The following TIAM2 variants were observed in gnomAD, a reference collection of about 807,000 sequenced individuals.
TIAM2 encodes rho guanine nucleotide exchange factor TIAM2.
In TIAM2, 80 loss-of-function variants were observed where a neutral mutation model predicts 152.9. The ratio of observed to expected loss-of-function variants is 0.52; its 90% CI spans 0.44 to 0.63. The LOEUF (loss-of-function observed/expected upper bound fraction) is 0.63, where lower values mean the gene tolerates loss of function less well. Among genes scored for constraint, TIAM2 ranks in the 30% least tolerant of loss-of-function variants. The pLI, the probability that TIAM2 is intolerant of heterozygous loss-of-function variation, is 0.00. For synonymous variants in TIAM2, 804 were observed against 838.0 expected (o/e 0.96, Z 0.70); for missense variants, 1,965 against 2,120.1 (o/e 0.93, Z 1.44).
intron 1 of TIAM2, among the ~76,000 whole-genome samples, chr6:155,063,110 A>G (rs145991852): frequency 4.6e-5 from 7 of 151,564 alleles, no homozygotes; most frequent in Non-Finnish European, 8.8e-5. Flanking sequence ...TTCTCCTAGT[A>G]TGTGACTTGT....
At chr6:155,124,432 G>A (rs551473949) in intron 2 of TIAM2, among the ~76,000 whole-genome samples, 1 of 152,336 alleles carries the variant, frequency 6.6e-6, no homozygotes, top group South Asian at 2.1e-4. Context: ...TGGCGTTTAA[G>A]TGATTCTCTT....
chr6:155,071,654 G>A (rs889409753), intron 1 of TIAM2, among the ~76,000 whole-genome samples: 2 of 152,050 alleles, frequency 1.3e-5, no homozygotes, highest in Admixed American at 6.6e-5. Context: ...CCTGTAATCC[G>A]AGCACTTTCA....
intron 1 of TIAM2, among the ~76,000 whole-genome samples, chr6:155,079,156 G>A (rs1430288638): frequency 2.0e-5 from 3 of 151,968 alleles, no homozygotes; most frequent in Non-Finnish European, 4.4e-5. Context: ...CTGCCTCCTG[G>A]GTTCAAGCGA....
intron 1 of TIAM2, among the ~76,000 whole-genome samples, chr6:155,083,227 T>C (rs1165833424): frequency 6.6e-6 from 1 of 151,498 alleles, no homozygotes; most frequent in African/African-American, 2.4e-5. Context: ...CGTGCACCTG[T>C]AATGCCAGCT....
intron 14 of TIAM2, among the ~76,000 whole-genome samples, chr6:155,188,182 G>A (rs374848656): frequency 2.0e-5 from 3 of 152,248 alleles, no homozygotes; most frequent in South Asian, 2.1e-4. Context: ...GTCTTTCCTC[G>A]TGCGCTCAGA....
At chr6:155,079,454 G>T (rs1347093617) in intron 1 of TIAM2, among the ~76,000 whole-genome samples, 1 of 152,170 alleles carries the variant, frequency 6.6e-6, no homozygotes, top group Non-Finnish European at 1.5e-5. Context: ...TTGATTACTG[G>T]TGCTGTGCCT....
chr6:155,239,394 G>C (rs577623542), intron 15 of TIAM2, among the ~76,000 whole-genome samples: 60 of 152,334 alleles, frequency 3.9e-4, no homozygotes, highest in African/African-American at 1.4e-3. Flanking sequence ...GTGAAAGAAA[G>C]AAGCCACCCT....
At chr6:155,101,246 A>T (rs986615354) in intron 2 of TIAM2, among the ~76,000 whole-genome samples, 3 of 152,034 alleles carry the variant, frequency 2.0e-5, no homozygotes, top group African/African-American at 7.2e-5. Flanking sequence ...GGTGTGCCTC[A>T]TTTTCTTCTA....
At chr6:155,168,897 A>G in intron 9 of TIAM2, 2 of 1,535,228 alleles carry the variant, frequency 1.3e-6, no homozygotes, top group South Asian at 2.4e-5. Flanking sequence ...CTACCTCAAA[A>G]CTCCAGTAAC....
chr6:155,057,080 G>A (rs1356850029), intron 1 of TIAM2, among the ~76,000 whole-genome samples: 1 of 128,722 alleles, frequency 7.8e-6, no homozygotes, highest in Non-Finnish European at 1.6e-5. Flanking sequence ...CCAGATTGGA[G>A]TGCAGTGGTG....
intron 2 of TIAM2, among the ~76,000 whole-genome samples, chr6:155,120,778 C>T (rs1162546529): frequency 6.6e-6 from 1 of 152,150 alleles, no homozygotes; most frequent in Admixed American, 6.5e-5. Context: ...AGTAGTATCC[C>T]CCTAGCCTTA....
At chr6:155,141,505 C>T (rs1779705951) in intron 5 of TIAM2, among the ~76,000 whole-genome samples, 1 of 152,098 alleles carries the variant, frequency 6.6e-6, no homozygotes, top group South Asian at 2.1e-4. Flanking sequence ...TATTAACAAA[C>T]CATCTGGTTA....
chr6:155,254,171 TC>T, intron 25 of TIAM2, 111 bp downstream of exon 25: 1 of 1,209,958 alleles, frequency 8.3e-7, no homozygotes, highest in Non-Finnish European at 1.2e-6. Context: ...AGGGTCATAC[TC>T]CCCACCCTCC....
intron 4 of TIAM2, among the ~76,000 whole-genome samples, chr6:155,132,241 A>C (rs900755360): frequency 9.5e-5 from 14 of 147,430 alleles, no homozygotes; most frequent in Admixed American, 9.0e-4. Context: ...GTTAGTCTCT[A>C]GCAGAATTGC....
Position 155,130,356 on chromosome 6 carries a change from C to G in TIAM2, c.1133C>G (p.Ala378Gly). ...ACTGCGAAGAAGGACTCCCTCAAAG[C>G]CAGGATGCGACGGATCAGTGACTGG... Reference protein sequence around the residue: ...EDTAKKDSLKARMRRISDWTG... With the variant: ...EDTAKKDSLKGRMRRISDWTG... Residue 378 changes from alanine to glycine, a missense_variant, in exon 4 of 27, where the codon GCC becomes GGC. Ala to Gly is a moderately conservative substitution (Grantham distance 60, BLOSUM62 0). Coordinates refer to ENST00000682666, the MANE Select transcript of TIAM2 (RefSeq NM_012454.4). 6.2e-7 allele frequency: 1 copy of G among 1,614,050 alleles called. No homozygotes were observed. Among genetic ancestry groups the G allele is most frequent in the Non-Finnish European group, 8.5e-7 (1 of 1,180,034 alleles).
rs113807098 is a variant in TIAM2 at position 155,202,866 on chromosome 6, C to T, written c.3065-8338C>T. ...CATCCTGGCCAACATGGCAAAACCC[C>T]ATCTCTACTAAAAATACAAAAAAAA... is the stretch of plus-strand genomic sequence containing the variant. On this transcript the variant is annotated intron_variant, in intron 14 of 26. Transcript: ENST00000682666. Among the ~76,000 whole-genome samples the T allele has an allele frequency of 3.9e-4, 54 of 140,210 alleles. 1 individual carries two copies. The highest frequency in any genetic ancestry group is 1.3e-3 in the African/African-American group (47 of 37,416). 92.0% of individuals were successfully genotyped at this position (140,210 alleles called of 152,430 possible).
intron 1 of TIAM2, among the ~76,000 whole-genome samples, chr6:155,000,800 A>G (rs1338193228): frequency 1.3e-5 from 2 of 152,208 alleles, no homozygotes; most frequent in African/African-American, 2.4e-5. Context: ...CCTGGCCAAC[A>G]TGGTGAAACC....
intron 1 of TIAM2, among the ~76,000 whole-genome samples, chr6:155,025,631 A>G (rs1251715368): frequency 1.3e-5 from 2 of 151,916 alleles, no homozygotes; most frequent in African/African-American, 2.4e-5. Flanking sequence ...AGAGGAGGTT[A>G]TTTTTATTTA....
At position 155,257,528 on chromosome 6, in the gene TIAM2, A is replaced by AGTT. The variant is rs1285509027; in HGVS notation, c.*408_*410dup. The AGTT allele has an allele frequency of 2.7e-6, 1 of 365,248 alleles. No individual in the cohort carries two copies. The highest frequency in any genetic ancestry group is 2.1e-5 in the African/African-American group (1 of 47,126). The allele number at this position is 365,248 out of a possible 1,614,324, so 22.6% of individuals were successfully genotyped here. A position where few individuals can be genotyped will look rare whatever the true frequency, so the allele number is the denominator to read the frequency against. On this transcript the variant is annotated 3_prime_UTR_variant, in exon 27 of 27. Transcript: ENST00000682666. ...TTTTGCTTTATTTAAAGCATATTTA[A>AGTT]GTTATTTTAATGTGGTTTAGGGGCA... is the stretch of plus-strand genomic sequence containing the variant.
Sources: gnomAD v4.1 joint callset for allele counts (sites outside exome capture counted in the v4.1 genomes callset) on GRCh38, gnomAD v4.1.1 for gene constraint, MANE v1.5 for transcripts, NCBI Gene and HGNC (gene_info 2026-07-23, HGNC 2026-07-21) for gene names.